The following SRFBP1 variants were observed in gnomAD, a reference collection of about 807,000 sequenced individuals.
SRFBP1 encodes the protein serum response factor-binding protein 1.
SRFBP1 carries 47 observed loss-of-function variants against 45.5 expected under a neutral mutation model. That is an observed-to-expected ratio of 1.03 (90% confidence interval 0.82 to 1.32). SRFBP1 has a LOEUF of 1.32. Among genes scored for constraint, SRFBP1 ranks in the 40% most tolerant of loss-of-function variants. The pLI is 0.00. For missense variants in SRFBP1, 621 were observed against 484.6 expected (o/e 1.28, Z -2.64); for synonymous variants, 203 against 166.3 (o/e 1.22, Z -1.70).
chr5:121,990,266 T>C (rs1357752726), intron 3 of SRFBP1, among the ~76,000 whole-genome samples: 2 of 152,186 alleles, frequency 1.3e-5, no homozygotes, highest in African/African-American at 4.8e-5. Context: ...ATCGTGTCAT[T>C]TGCAGCAACA....
At chr5:122,007,922 C>T (rs139146688) in intron 4 of SRFBP1, among the ~76,000 whole-genome samples, 346 of 152,142 alleles carry the variant, frequency 2.3e-3, no homozygotes, top group African/African-American at 8.1e-3. Flanking sequence ...CAGGGCCTGG[C>T]CTGGTGCTTG....
intron 2 of SRFBP1, chr5:122,070,853 G>C: frequency 3.9e-6 from 1 of 256,258 alleles, no homozygotes. Context: ...AATGCAATCT[G>C]AAGGAACAAA....
chr5:122,071,854 G>A (rs188044256), intron 2 of SRFBP1, among the ~76,000 whole-genome samples: 1 of 152,242 alleles, frequency 6.6e-6, no homozygotes, highest in East Asian at 1.9e-4. Flanking sequence ...TTTGGGAAGA[G>A]CAGGGGAGAA....
intron 1 of SRFBP1, among the ~76,000 whole-genome samples, chr5:121,968,708 A>G (rs1752127055): frequency 6.6e-6 from 1 of 152,194 alleles, no homozygotes; most frequent in Admixed American, 6.5e-5. Flanking sequence ...GTTAAAGTAC[A>G]GCATGGTTTC....
At chr5:122,059,165 T>C (rs1754132327) in intron 2 of SRFBP1, among the ~76,000 whole-genome samples, 2 of 152,058 alleles carry the variant, frequency 1.3e-5, no homozygotes, top group Non-Finnish European at 2.9e-5. Context: ...TGGTAGGAGA[T>C]GGGGCAACAA....
At chr5:121,992,596 C>T (rs1752641296) in intron 3 of SRFBP1, among the ~76,000 whole-genome samples, 2 of 152,066 alleles carry the variant, frequency 1.3e-5, no homozygotes, top group Non-Finnish European at 2.9e-5. Context: ...TGGACGTCTT[C>T]CAGGAGCTAT....
chr5:122,004,084 G>T (rs1046799308), intron 4 of SRFBP1, among the ~76,000 whole-genome samples: 4 of 152,086 alleles, frequency 2.6e-5, no homozygotes, highest in Non-Finnish European at 5.9e-5. Flanking sequence ...CAGCCTAGAG[G>T]CTGGTGTGCA....
intron 2 of SRFBP1, chr5:122,066,340 T>C (rs1400019131): frequency 5.7e-6 from 1 of 175,546 alleles, no homozygotes; most frequent in Non-Finnish European, 1.2e-5. Context: ...CCCATTATTA[T>C]TATGTTTCAC....
intron 4 of SRFBP1, among the ~76,000 whole-genome samples, chr5:122,002,242 C>G (rs1029555872): frequency 1.3e-5 from 2 of 152,154 alleles, no homozygotes; most frequent in African/African-American, 4.8e-5. Context: ...AGCAAGTTAA[C>G]TAAACAAGAA....
intron 1 of SRFBP1, among the ~76,000 whole-genome samples, chr5:121,963,893 C>T (rs1414714137): frequency 7.3e-5 from 11 of 151,548 alleles, no homozygotes; most frequent in Admixed American, 3.3e-4. Context: ...AGAGATTTAT[C>T]TACATAAAAA....
At chr5:122,068,531 C>T (rs1754364195) in intron 2 of SRFBP1, among the ~76,000 whole-genome samples, 1 of 152,118 alleles carries the variant, frequency 6.6e-6, no homozygotes, top group African/African-American at 2.4e-5. Flanking sequence ...AATGCCTTTA[C>T]TCAAATTATT....
chr5:122,050,249 T>G (rs1416035710), intron 2 of SRFBP1, among the ~76,000 whole-genome samples: 2 of 152,104 alleles, frequency 1.3e-5, no homozygotes, highest in Non-Finnish European at 2.9e-5. Context: ...CAGGATGATC[T>G]TAGCCTCATA....
At chr5:122,015,500 G>A (rs550851665) in intron 4 of SRFBP1, among the ~76,000 whole-genome samples, 1 of 152,348 alleles carries the variant, frequency 6.6e-6, no homozygotes, top group Non-Finnish European at 1.5e-5. Flanking sequence ...TAAAGGACCT[G>A]AAATGAATGC....
At chr5:122,063,936 C>T (rs1233029598) in intron 2 of SRFBP1, 1 of 151,856 alleles carries the variant, frequency 6.6e-6, no homozygotes, top group East Asian at 1.9e-4. Flanking sequence ...TAAAGTTATT[C>T]TATAAAAATA....
At chr5:121,978,190 C>T (rs1752343425) in intron 3 of SRFBP1, among the ~76,000 whole-genome samples, 1 of 152,142 alleles carries the variant, frequency 6.6e-6, no homozygotes, top group Admixed American at 6.5e-5. Context: ...TTTATATTTA[C>T]TGTCTCACTA....
intron 2 of SRFBP1, among the ~76,000 whole-genome samples, chr5:122,068,799 C>A (rs1442925865): frequency 1.3e-5 from 2 of 151,670 alleles, no homozygotes; most frequent in African/African-American, 2.4e-5. Flanking sequence ...ACAAACAGTA[C>A]AAAAATGAGA....
rs77241513 is a variant in SRFBP1, at chr5:121,973,588, G to C, written c.37-608G>C. On this transcript the variant is annotated intron_variant, in intron 1 of 7. Coordinates refer to ENST00000339397, the MANE Select transcript of SRFBP1 (RefSeq NM_152546.3). Reference sequence around the variant, plus strand: ...TCTCCAGTAGGGTGATTTAAATTATGTATTTGTATGTGTGTGCATGTGTGT... The same window carrying C: ...TCTCCAGTAGGGTGATTTAAATTATCTATTTGTATGTGTGTGCATGTGTGT... Among the ~76,000 whole-genome samples the C allele has an allele frequency of 5.3e-3, 773 of 145,022 alleles. 21 individuals are homozygous for C. The East Asian group carries it at 0.057, about 11-fold the overall frequency.
At chr5:122,040,152 A>G (rs1753750933) in intron 2 of SRFBP1, among the ~76,000 whole-genome samples, 2 of 151,858 alleles carry the variant, frequency 1.3e-5, no homozygotes, top group African/African-American at 4.8e-5. Flanking sequence ...ATTACTTTTG[A>G]TTAATTTTAG....
rs138612997 is a variant in SRFBP1, at chr5:122,052,801, C to T, written n.312-22514C>T. Reference sequence around the variant, plus strand: ...AACCTTGCTGGGCAAATAGTGCAGTCATTTGGAGGAAAGAGGCTTTTTGAG... The same window carrying T: ...AACCTTGCTGGGCAAATAGTGCAGTTATTTGGAGGAAAGAGGCTTTTTGAG... On this transcript the variant is annotated intron_variant and non_coding_transcript_variant, in intron 2 of 2. Transcript: ENST00000504881. 1.0e-3 allele frequency among the ~76,000 whole-genome samples: 158 copies of T among 152,276 alleles called. 2 individuals carry two copies. Among genetic ancestry groups the T allele is most frequent in the African/African-American group, 3.8e-3 (156 of 41,554 alleles).
Sources: gnomAD v4.1 joint callset for allele counts (sites outside exome capture counted in the v4.1 genomes callset) on GRCh38, gnomAD v4.1.1 for gene constraint, MANE v1.5 for transcripts, NCBI Gene and HGNC (gene_info 2026-07-23, HGNC 2026-07-21) for gene names.